PCDHA1: variants seen among roughly 807,000 people sequenced by gnomAD.
PCDHA1 encodes the protein protocadherin alpha 1, also known as protocadherin alpha-1.
In PCDHA1, 42 loss-of-function variants were observed where a neutral mutation model predicts 61.3. The ratio of observed to expected loss-of-function variants is 0.69; its 90% CI spans 0.54 to 0.89. The LOEUF (loss-of-function observed/expected upper bound fraction) is 0.89. Ranked by LOEUF, PCDHA1 falls within the 40% of genes least tolerant of loss-of-function variation. The probability of loss-of-function intolerance (pLI) is 0.00; values close to 1 mark genes in which losing one functional copy is unlikely to be tolerated. For synonymous variants in PCDHA1, 610 were observed against 553.8 expected (o/e 1.10, Z -1.43); for missense variants, 1,256 against 1,235.3 (o/e 1.02, Z -0.25).
chr5:140,963,850 A>T (rs2095793640), intron 1 of PCDHA1, among the ~76,000 whole-genome samples: 1 of 152,244 alleles, frequency 6.6e-6, no homozygotes. Flanking sequence ...TAATCATAAT[A>T]ATAACCGTAT....
chr5:140,797,061 C>T (rs1554120281), intron 1 of PCDHA1: 2 of 1,613,844 alleles, frequency 1.2e-6, no homozygotes, highest in Admixed American at 1.7e-5. Flanking sequence ...TCAACGTGTA[C>T]CTGATCATCG....
At chr5:140,916,967 G>T (rs1215722713) in intron 1 of PCDHA1, among the ~76,000 whole-genome samples, 1 of 152,194 alleles carries the variant, frequency 6.6e-6, no homozygotes, top group African/African-American at 2.4e-5. Flanking sequence ...TGACTGCTGG[G>T]ATGAGTGATT....
chr5:140,997,672 GTGT>G (rs1226412114), intron 3 of PCDHA1, among the ~76,000 whole-genome samples: 3 of 148,192 alleles, frequency 2.0e-5, no homozygotes, highest in African/African-American at 7.5e-5. Context: ...TACAGCTTGT[GTGT>G]GTGTGTGTGT....
chr5:140,876,343 T>C lies in PCDHA1; in HGVS notation c.2394+87659T>C, dbSNP rs1196276310. ...AATGATTTTGCCAGTGAGTGAGAAA[T>C]GTATGTTTTCAATAAATCCAGACAC... is the stretch of plus-strand genomic sequence containing the variant. On this transcript the variant is annotated intron_variant, in intron 1 of 3. Transcript: ENST00000504120. 2 of 1,613,972 alleles carry C rather than the reference T, an allele frequency of 1.2e-6. No individual in the cohort carries two copies. The highest frequency in any genetic ancestry group is 1.1e-5 in the South Asian group (1 of 91,090).
At position 140,858,879 on chromosome 5, in the gene PCDHA1, CATGTGTAGAAT is replaced by C. The variant is rs2045639159; in HGVS notation, c.2394+70204_2394+70214del. On this transcript the variant is annotated intron_variant, in intron 1 of 3. Transcript: ENST00000504120. ...TCTTCAGTGAAAATGTGTTTTCCTC[CATGTGTAGAAT>C]ATGTGTAGCGTACCACAGCTTATAC... 2.9e-5 allele frequency: 7 copies of C among 243,802 alleles called. No homozygotes were observed. In the South Asian group the frequency reaches 3.1e-4, roughly 11 times the overall value. The allele number at this position is 243,802 out of a possible 1,614,324, so 15.1% of individuals were successfully genotyped here. A position where few individuals can be genotyped will look rare whatever the true frequency, so the allele number is the denominator to read the frequency against.
At position 140,926,615 on chromosome 5, in the gene PCDHA1, C is replaced by G. The variant is rs540135252; in HGVS notation, c.2395-52334C>G. On this transcript the variant is annotated intron_variant, in intron 1 of 3. Coordinates refer to ENST00000504120, the MANE Select transcript of PCDHA1 (RefSeq NM_018900.4). ...GGCGGGCGGCCTCGTCTCTGCACCC[C>G]TAGGCGGCGCTGCGCTCCTCAACAC... 1,855 of 379,286 alleles carry G rather than the reference C, an allele frequency of 4.9e-3. 8 individuals are homozygous for G. Among genetic ancestry groups the G allele is most frequent in the African/African-American group, 0.019 (896 of 47,466 alleles). The allele number at this position is 379,286 out of a possible 1,614,324, so 23.5% of individuals were successfully genotyped here. A position where few individuals can be genotyped will look rare whatever the true frequency, so the allele number is the denominator to read the frequency against.
chr5:140,946,886 C>G (rs1304455156), intron 1 of PCDHA1, among the ~76,000 whole-genome samples: 1 of 151,128 alleles, frequency 6.6e-6, no homozygotes, highest in African/African-American at 2.4e-5. Context: ...TACGAAGTTA[C>G]AATTAGATAG....
chr5:140,821,818 C>A (rs2150110857), intron 1 of PCDHA1: 1 of 1,613,972 alleles, frequency 6.2e-7, no homozygotes, highest in Non-Finnish European at 8.5e-7. Context: ...CCGGCTCCTG[C>A]TGCTCTGGCT....
At chr5:140,836,622 A>G in intron 1 of PCDHA1, 1 of 1,613,448 alleles carries the variant, frequency 6.2e-7, no homozygotes, top group Non-Finnish European at 8.5e-7. Flanking sequence ...CGCGGTGGGG[A>G]GCTGGTCATT....
At position 140,971,319 on chromosome 5, in the gene PCDHA1, A is replaced by C. The variant is rs568701560; in HGVS notation, c.2395-7630A>C. ...TGGTACACAAACATTTAATCTAGGG[A>C]GAAAATTATTTCAGAAAGTGCTTGC... is the stretch of plus-strand genomic sequence containing the variant. On this transcript the variant is annotated intron_variant, in intron 1 of 3. Transcript: ENST00000504120. Among the ~76,000 whole-genome samples the C allele has an allele frequency of 2.1e-4, 32 of 152,346 alleles. 1 individual carries two copies. Among genetic ancestry groups the C allele is most frequent in the Admixed American group, 2.0e-3 (31 of 15,306 alleles).
At chr5:140,806,518 C>A (rs1450874274) in intron 1 of PCDHA1, among the ~76,000 whole-genome samples, 2 of 152,202 alleles carry the variant, frequency 1.3e-5, no homozygotes, top group African/African-American at 2.4e-5. Context: ...TAATTAAATG[C>A]TGATGGTCTT....
At chr5:140,830,258 T>G in intron 1 of PCDHA1, 1 of 1,613,620 alleles carries the variant, frequency 6.2e-7, no homozygotes, top group Non-Finnish European at 8.5e-7. Flanking sequence ...AGCGCTGCGG[T>G]GCTCGGCGCC....
chr5:140,827,752 C>T (rs1357431971), intron 1 of PCDHA1, among the ~76,000 whole-genome samples: 2 of 152,200 alleles, frequency 1.3e-5, no homozygotes, highest in African/African-American at 2.4e-5. Context: ...AGATCCCTTA[C>T]TTTAAATTAA....
At chr5:140,869,447 A>G in intron 1 of PCDHA1, 1 of 1,614,214 alleles carries the variant, frequency 6.2e-7, no homozygotes, top group Non-Finnish European at 8.5e-7. Flanking sequence ...AGGCCGCTGC[A>G]GGTTTTCCAT....
intron 1 of PCDHA1, among the ~76,000 whole-genome samples, chr5:140,905,954 C>G (rs1297429672): frequency 6.6e-6 from 1 of 152,158 alleles, no homozygotes; most frequent in Non-Finnish European, 1.5e-5. Context: ...ATCCGATGTT[C>G]AAGGGGAGGA....
chr5:140,836,453 G>T, intron 1 of PCDHA1: 1 of 1,613,854 alleles, frequency 6.2e-7, no homozygotes, highest in Non-Finnish European at 8.5e-7. Flanking sequence ...CAGGCCCAGA[G>T]ACCGAGCTGG....
intron 3 of PCDHA1, among the ~76,000 whole-genome samples, chr5:141,004,566 T>C (rs2098171206): frequency 6.6e-6 from 1 of 152,186 alleles, no homozygotes; most frequent in Non-Finnish European, 1.5e-5. Context: ...GATGAACATA[T>C]CTCTGTGTTC....
chr5:140,881,326 C>G, intron 1 of PCDHA1: 1 of 984,388 alleles, frequency 1.0e-6, no homozygotes, highest in Non-Finnish European at 1.2e-6. Flanking sequence ...TTCTATTTAA[C>G]CAGGACGCCG....
chr5:140,836,633 C>A (rs2150266268), intron 1 of PCDHA1: 8 of 1,613,432 alleles, frequency 5.0e-6, no homozygotes, highest in Non-Finnish European at 5.9e-6. Flanking sequence ...GCTGGTCATT[C>A]TCCCAGCAGA....
Sources: gnomAD v4.1 joint callset for allele counts (sites outside exome capture counted in the v4.1 genomes callset) on GRCh38, gnomAD v4.1.1 for gene constraint, MANE v1.5 for transcripts, NCBI Gene and HGNC (gene_info 2026-07-23, HGNC 2026-07-21) for gene names.